SYNJ1: variants seen among roughly 807,000 people sequenced by gnomAD.
SYNJ1 encodes polyphosphatidylinositol phosphatase SYNJ1.
Under a neutral mutation model 168.2 loss-of-function variants are expected in SYNJ1, and 78 were observed. That is an observed-to-expected ratio of 0.46 (90% CI 0.39 to 0.56). The LOEUF is 0.56. SYNJ1 is among the 20% of genes least tolerant of loss of function. The pLI is 0.00. For synonymous variants in SYNJ1, 539 were observed against 548.6 expected (o/e 0.98, Z 0.24); for missense variants, 1,303 against 1,597.6 (o/e 0.82, Z 3.14).
At chr21:32,721,221 C>T (rs2043207386) in intron 2 of SYNJ1, among the ~76,000 whole-genome samples, 1 of 152,216 alleles carries the variant, frequency 6.6e-6, no homozygotes, top group African/African-American at 2.4e-5. Flanking sequence ...TTTAATCAAA[C>T]ACTTGCTGTA....
chr21:32,650,236 G>A lies in SYNJ1; in HGVS notation c.2985C>T (p.Ser995=). 6.2e-7 allele frequency: 1 copy of A among 1,613,792 alleles called. No homozygotes were observed. The change falls in exon 23 of 33, where the codon AGC becomes AGT. Residue 995 remains serine, a synonymous_variant. Transcript: ENST00000674351. ...CTGCATCTTCACCAAGCAGGGTAGA[G>A]CTTGTTGATGATGGCAATGCAATGC... ...KISIALPSST[S]STLLGEDAEV... is the part of the protein sequence containing the mutation.
intron 6 of SYNJ1, among the ~76,000 whole-genome samples, chr21:32,689,586 C>T (rs1332255159): frequency 6.6e-5 from 10 of 152,366 alleles, no homozygotes; most frequent in South Asian, 2.1e-4. Flanking sequence ...TGAGCCACCG[C>T]GCCCCGCGCA....
At chr21:32,715,287 G>C (rs1292015430) in intron 2 of SYNJ1, among the ~76,000 whole-genome samples, 1 of 152,060 alleles carries the variant, frequency 6.6e-6, no homozygotes, top group Non-Finnish European at 1.5e-5. Flanking sequence ...AGCCTGGCCA[G>C]TAAGGTGAAA....
intron 21 of SYNJ1, among the ~76,000 whole-genome samples, chr21:32,656,006 C>T (rs2040439725): frequency 1.3e-5 from 2 of 152,026 alleles, no homozygotes; most frequent in Admixed American, 1.3e-4. Flanking sequence ...TCATTCTTAT[C>T]TCTCCTTAAA....
chr21:32,706,918 A>G (rs2042631513), intron 2 of SYNJ1, among the ~76,000 whole-genome samples: 1 of 152,248 alleles, frequency 6.6e-6, no homozygotes, highest in South Asian at 2.1e-4. Context: ...ACATAAAATA[A>G]TATGTATAAT....
chr21:32,676,498 C>A lies in SYNJ1; in HGVS notation c.1511-143G>T. ...TTATTTTTTTCTGATAGCTATAGAA[C>A]ACCAAGTGTTACAAATAAACGACAA... On this transcript the variant is annotated intron_variant, in intron 12 of 32. Transcript: ENST00000674351. The A allele has an allele frequency of 6.0e-6, 4 of 665,382 alleles. No homozygotes were observed. In the East Asian group the frequency reaches 1.2e-4, roughly 19 times the overall value. 41.2% of individuals were successfully genotyped at this position (665,382 alleles called of 1,614,324 possible).
chr21:32,639,569 T>C, intron 30 of SYNJ1, 102 bp downstream of exon 30: 1 of 929,910 alleles, frequency 1.1e-6, no homozygotes. Context: ...TTTTAAGAGT[T>C]TTTAATTTTT....
At chr21:32,722,079 G>A (rs1018853980) in intron 2 of SYNJ1, among the ~76,000 whole-genome samples, 1 of 151,878 alleles carries the variant, frequency 6.6e-6, no homozygotes, top group Non-Finnish European at 1.5e-5. Flanking sequence ...CAGCTACTTG[G>A]GAGGCTGATG....
At chr21:32,696,136 G>A (rs1185401792) in intron 4 of SYNJ1, among the ~76,000 whole-genome samples, 1 of 152,188 alleles carries the variant, frequency 6.6e-6, no homozygotes, top group Non-Finnish European at 1.5e-5. Context: ...ACAGGCGTGA[G>A]CCACCGCGCC....
rs762715232 is a variant in SYNJ1, at chr21:32,702,058, AAGTTTT to A, written c.125-17_125-12del. Reference sequence around the variant, plus strand: ...CTTTTTCTGCAGATGCTACAAAAAAAAGTTTTAGTTTAAGAAAAATGACCTGAAACA... The same window carrying A: ...CTTTTTCTGCAGATGCTACAAAAAAAAGTTTAAGAAAAATGACCTGAAACA... On this transcript the variant is annotated splice_polypyrimidine_tract_variant and intron_variant, in intron 2 of 32. Transcript: ENST00000674351. The A allele has an allele frequency of 2.6e-6, 4 of 1,550,328 alleles. No homozygotes were observed. The highest frequency in any genetic ancestry group is 3.5e-6 in the Non-Finnish European group (4 of 1,139,798).
intron 32 of SYNJ1, among the ~76,000 whole-genome samples, chr21:32,632,709 T>C (rs2145668514): frequency 6.6e-6 from 1 of 152,244 alleles, no homozygotes; most frequent in East Asian, 1.9e-4. Flanking sequence ...ATGTAAGCTC[T>C]CCTTTGTTGA....
intron 2 of SYNJ1, among the ~76,000 whole-genome samples, chr21:32,713,225 CAT>C (rs2042893592): frequency 6.8e-6 from 1 of 147,570 alleles, no homozygotes; most frequent in South Asian, 2.2e-4. Flanking sequence ...GATGATTTCC[CAT>C]ATGTCAACAT....
rs113862462 is a variant in SYNJ1 at position 32,721,617 on chromosome 21, T to A, written c.124+5155A>T. Among the ~76,000 whole-genome samples, 11 of 151,920 alleles carry A rather than the reference T, an allele frequency of 7.2e-5. 1 individual carries two copies. The highest frequency in any genetic ancestry group is 2.7e-4 in the African/African-American group (11 of 41,410). ...CTCCTTGAACCCAGGAGGCGGAGGC[T>A]GTAGTGAGTCAAGATTGCACCACTG... is the stretch of plus-strand genomic sequence containing the variant. On this transcript the variant is annotated intron_variant, in intron 2 of 32. Coordinates refer to ENST00000674351, the MANE Select transcript of SYNJ1 (RefSeq NM_203446.3).
intron 12 of SYNJ1, among the ~76,000 whole-genome samples, chr21:32,677,953 A>G: frequency 6.6e-6 from 1 of 152,322 alleles, no homozygotes; most frequent in East Asian, 1.9e-4. Flanking sequence ...TTATACCTCA[A>G]TACATTTTAG....
chr21:32,668,379 A>G (rs2041040096), intron 15 of SYNJ1, among the ~76,000 whole-genome samples: 5 of 152,148 alleles, frequency 3.3e-5, no homozygotes, highest in Admixed American at 2.6e-4. Flanking sequence ...AAAGAATTTG[A>G]TTAAACCTAG....
chr21:32,653,297 A>G lies in SYNJ1; in HGVS notation c.2865T>C (p.Asn955=), dbSNP rs2040342791. 12 of 1,613,262 alleles carry G rather than the reference A, an allele frequency of 7.4e-6. No individual in the cohort carries two copies. Among genetic ancestry groups the G allele is most frequent in the Non-Finnish European group, 1.0e-5 (12 of 1,179,400 alleles). ...GSSALNVLSL[N]GKELLNRTIT... is the part of the protein sequence containing the mutation. ...ACAAATGCTACCTTACCTCTTTACC[A>G]TTTAGGCTCAGAACATTCAAGGCAG... The change falls in exon 22 of 33, where the codon AAT becomes AAC. Residue 955 remains asparagine (N), a synonymous_variant. Coordinates refer to ENST00000674351, the MANE Select transcript of SYNJ1 (RefSeq NM_203446.3).
upstream of SYNJ1, chr21:32,728,306 CG>C (rs2043571127): frequency 4.7e-6 from 2 of 428,110 alleles, no homozygotes; most frequent in East Asian, 9.1e-5. Context: ...GGAGGGACTC[CG>C]GAGAAAAGCT....
chr21:32,682,062 TA>T (rs898075653), intron 10 of SYNJ1, among the ~76,000 whole-genome samples: 2 of 151,696 alleles, frequency 1.3e-5, no homozygotes, highest in South Asian at 2.1e-4. Flanking sequence ...GTAATTAAGG[TA>T]AAAAAAATGA....
At chr21:32,632,948 A>T (rs2039404389) in intron 32 of SYNJ1, among the ~76,000 whole-genome samples, 1 of 152,154 alleles carries the variant, frequency 6.6e-6, no homozygotes, top group Admixed American at 6.5e-5. Context: ...TGAACCTGGG[A>T]GGCAGAGGTT....
Sources: gnomAD v4.1 joint callset for allele counts (sites outside exome capture counted in the v4.1 genomes callset) on GRCh38, gnomAD v4.1.1 for gene constraint, MANE v1.5 for transcripts, NCBI Gene and HGNC (gene_info 2026-07-23, HGNC 2026-07-21) for gene names.